The following DOP1A variants were observed in gnomAD, a reference collection of about 807,000 sequenced individuals.
DOP1A encodes DOP1 leucine zipper like protein A, also known as protein DOP1A.
In DOP1A, 90 loss-of-function variants were observed where a neutral mutation model predicts 267.6. The ratio of observed to expected loss-of-function variants is 0.34; its 90% CI spans 0.28 to 0.40. DOP1A has a LOEUF of 0.40. Among genes scored for constraint, DOP1A ranks in the 10% least tolerant of loss-of-function variants. The pLI, the probability that DOP1A is intolerant of heterozygous loss-of-function variation, is 1.00. For missense variants in DOP1A, 2,437 were observed against 2,900.4 expected (o/e 0.84, Z 3.67); for synonymous variants, 932 against 999.1 (o/e 0.93, Z 1.27).
At chr6:83,119,175 AAG>A (rs1775941697) in intron 8 of DOP1A, among the ~76,000 whole-genome samples, 188 bp downstream of exon 8, 1 of 152,204 alleles carries the variant, frequency 6.6e-6, no homozygotes, top group African/African-American at 2.4e-5. Flanking sequence ...TTTATATTTG[AAG>A]AGTCTATTTG....
chr6:83,092,565 C>G (rs576612063), intron 1 of DOP1A, among the ~76,000 whole-genome samples: 4 of 118,472 alleles, frequency 3.4e-5, no homozygotes, highest in South Asian at 3.6e-4. Context: ...CTCCCCCCCC[C>G]CCCACCATAT....
intron 1 of DOP1A, among the ~76,000 whole-genome samples, chr6:83,094,419 G>A (rs1247145333): frequency 3.3e-5 from 5 of 152,160 alleles, no homozygotes; most frequent in South Asian, 2.1e-4. Flanking sequence ...TACACCATAC[G>A]TAGGAGTGGA....
intron 7 of DOP1A, among the ~76,000 whole-genome samples, chr6:83,117,890 T>C (rs1242014918): frequency 2.6e-5 from 4 of 152,208 alleles, no homozygotes; most frequent in Non-Finnish European, 4.4e-5. Flanking sequence ...CTGTGTTCTG[T>C]ATCATCTCAG....
chr6:83,169,254 T>C (rs1217707083), downstream of DOP1A: 2 of 1,614,074 alleles, frequency 1.2e-6, no homozygotes, highest in Non-Finnish European at 1.7e-6. Context: ...GGTTGGGGCC[T>C]TTCTCCAATT....
chr6:83,132,434 G>A (rs1406430560), intron 18 of DOP1A, 106 bp downstream of exon 18: 29 of 1,234,410 alleles, frequency 2.3e-5, no homozygotes, highest in Non-Finnish European at 2.9e-5. Flanking sequence ...AATTAACATC[G>A]GAGTAAGAGA....
At chr6:83,076,981 TGAG>T (rs1367986418) in intron 1 of DOP1A, among the ~76,000 whole-genome samples, 13 of 152,340 alleles carry the variant, frequency 8.5e-5, no homozygotes, top group Admixed American at 8.5e-4. Flanking sequence ...GGATGAATCT[TGAG>T]GACATTATGC....
rs1777070177 is a variant in DOP1A at position 83,125,848 on chromosome 6, A to G, written c.1719+115A>G. On this transcript the variant is annotated intron_variant, in intron 15 of 38. Transcript: ENST00000349129. Reference sequence around the variant, plus strand: ...TTAAATAATAGTGAGTCTTTCCTAGATCCAAATGCAGTGTTAGTAGGCTTG... The same window carrying G: ...TTAAATAATAGTGAGTCTTTCCTAGGTCCAAATGCAGTGTTAGTAGGCTTG... 6.5e-6 allele frequency: 6 copies of G among 921,698 alleles called. No homozygotes were observed. In the East Asian group the frequency reaches 1.1e-4, roughly 16 times the overall value. The allele number at this position is 921,698 out of a possible 1,614,324, so 57.1% of individuals were successfully genotyped here.
At chr6:83,113,824 G>GT (rs1273705725) in intron 7 of DOP1A, among the ~76,000 whole-genome samples, 1 of 152,176 alleles carries the variant, frequency 6.6e-6, no homozygotes, top group Non-Finnish European at 1.5e-5. Context: ...AGAGCCACAT[G>GT]TTTAGCCACT....
At position 83,162,905 on chromosome 6, in the gene DOP1A, C is replaced by T; in HGVS notation, c.7078C>T (p.Arg2360Trp). 6.2e-7 allele frequency: 1 copy of T among 1,612,172 alleles called. No individual in the cohort carries two copies. Among genetic ancestry groups the T allele is most frequent in the Non-Finnish European group, 8.5e-7 (1 of 1,178,856 alleles). ...PYVVRLAKLL[R>W]KRAKKNPEED... ...CGTGGTACGACTAGCAAAACTTCTTCGGAAAAGAGCAAAGGTATCGCATTC... is the reference window on the plus strand; with the variant it reads ...CGTGGTACGACTAGCAAAACTTCTTTGGAAAAGAGCAAAGGTATCGCATTC... Residue 2360 changes from arginine to tryptophan, a missense_variant, in exon 38 of 39, where the codon CGG (arginine) becomes TGG (tryptophan). By Grantham distance (101) the Arg-to-Trp change is moderately radical. Transcript: ENST00000349129.
chr6:83,087,851 GT>G (rs1213121613), intron 1 of DOP1A, among the ~76,000 whole-genome samples: 2 of 151,962 alleles, frequency 1.3e-5, no homozygotes, highest in Non-Finnish European at 2.9e-5. Context: ...ATTGATGTTT[GT>G]TTTTTTGTTT....
At chr6:83,076,609 A>G (rs556343745) in intron 1 of DOP1A, among the ~76,000 whole-genome samples, 2 of 150,618 alleles carry the variant, frequency 1.3e-5, no homozygotes, top group South Asian at 4.2e-4. Flanking sequence ...GGCTACTATT[A>G]AAAAAAAAAT....
chr6:83,154,938 A>G (rs980522719), intron 33 of DOP1A, among the ~76,000 whole-genome samples: 7 of 152,234 alleles, frequency 4.6e-5, no homozygotes, highest in African/African-American at 9.6e-5. Flanking sequence ...TTTTATCTTC[A>G]TAAGGTTGTT....
At chr6:83,150,881 T>C (rs1476473801) in intron 27 of DOP1A, among the ~76,000 whole-genome samples, 1 of 152,144 alleles carries the variant, frequency 6.6e-6, no homozygotes, top group Non-Finnish European at 1.5e-5. Flanking sequence ...GCAAAGTTTG[T>C]AAAAAGTCAA....
intron 6 of DOP1A, among the ~76,000 whole-genome samples, chr6:83,112,484 G>T (rs1238461126): frequency 6.6e-6 from 1 of 152,052 alleles, no homozygotes. Context: ...TGTATTTATT[G>T]ACACAGTCTC....
chr6:83,157,365 CAG>C, intron 35 of DOP1A, 47 bp downstream of exon 35: 1 of 1,584,332 alleles, frequency 6.3e-7, no homozygotes, highest in Non-Finnish European at 8.7e-7. Flanking sequence ...AATGATAAAA[CAG>C]TGATTAGTTT....
intron 33 of DOP1A, among the ~76,000 whole-genome samples, chr6:83,155,323 G>A (rs1047766032): frequency 1.3e-5 from 2 of 151,824 alleles, no homozygotes; most frequent in Non-Finnish European, 1.5e-5. Flanking sequence ...AAATTAAACT[G>A]GCCAAATGTG....
chr6:83,068,928 T>C (rs1241545807), intron 1 of DOP1A, among the ~76,000 whole-genome samples: 2 of 152,232 alleles, frequency 1.3e-5, no homozygotes, highest in Non-Finnish European at 2.9e-5. Context: ...CCACGTGGGC[T>C]TGATTATTAG....
At chr6:83,073,111 C>T (rs1286154491) in intron 1 of DOP1A, 3 of 219,106 alleles carry the variant, frequency 1.4e-5, no homozygotes, top group African/African-American at 2.4e-5. Context: ...GAGACAGACT[C>T]TCACTCTTTT....
chr6:83,120,589 G>A (rs1011347998), intron 9 of DOP1A, 94 bp from the exon 10 acceptor site: 29 of 1,034,748 alleles, frequency 2.8e-5, no homozygotes, highest in Middle Eastern at 3.2e-4. Context: ...ATAAGTCTCC[G>A]TTATATATGG....
Sources: gnomAD v4.1 joint callset for allele counts (sites outside exome capture counted in the v4.1 genomes callset) on GRCh38, gnomAD v4.1.1 for gene constraint, MANE v1.5 for transcripts, NCBI Gene and HGNC (gene_info 2026-07-23, HGNC 2026-07-21) for gene names.